Variants in SIM2 observed in about 807,000 individuals in gnomAD.
The protein encoded by SIM2 is SIM bHLH transcription factor 2, also known as single-minded homolog 2.
In SIM2, 28 loss-of-function variants were observed where a neutral mutation model predicts 64.8. That is an observed-to-expected ratio of 0.43 (90% CI 0.32 to 0.59). The LOEUF (loss-of-function observed/expected upper bound fraction) is 0.59. SIM2 is among the 20% of genes least tolerant of loss of function. The probability of loss-of-function intolerance (pLI) is 0.07; values close to 1 mark genes in which losing one functional copy is unlikely to be tolerated. For synonymous variants in SIM2, 408 were observed against 391.1 expected, an observed-to-expected ratio of 1.04 and a Z score of -0.51; for missense variants, 847 against 871.4, an observed-to-expected ratio of 0.97 and a Z score of 0.35.
chr21:36,745,422 A>G lies in SIM2; in HGVS notation c.1576+286A>G. ...ACGTAAATCCTGGCCACATTCACCA[A>G]CCAAAGGGGGACAGTGATTTTCAAA... On this transcript the variant is annotated intron_variant, in intron 10 of 10. Coordinates refer to ENST00000290399, the MANE Select transcript of SIM2 (RefSeq NM_005069.6). This position sits in a 1 kb window ranked among gnomAD's most constrained non-coding sequence, Gnocchi z 4.8. 7.7e-7 allele frequency: 1 copy of G among 1,300,722 alleles called. No individual in the cohort carries two copies. Among genetic ancestry groups the G allele is most frequent in the Non-Finnish European group, 9.9e-7 (1 of 1,010,594 alleles). 80.6% of individuals were successfully genotyped at this position (1,300,722 alleles called of 1,614,324 possible).
intron 4 of SIM2, among the ~76,000 whole-genome samples, chr21:36,721,411 T>C (rs1357531445): frequency 6.6e-6 from 1 of 152,152 alleles, no homozygotes; most frequent in African/African-American, 2.4e-5. Context: ...TGTTACTGTT[T>C]TTGAAAATTG....
intron 1 of SIM2, among the ~76,000 whole-genome samples, chr21:36,703,052 T>C (rs2088527181): frequency 6.6e-6 from 1 of 151,788 alleles, no homozygotes; most frequent in African/African-American, 2.4e-5. Flanking sequence ...TTCCCAAGGC[T>C]CTGTAGCAAG....
At chr21:36,706,932 C>T (rs2088592594) in intron 1 of SIM2, among the ~76,000 whole-genome samples, 1 of 152,212 alleles carries the variant, frequency 6.6e-6, no homozygotes, top group South Asian at 2.1e-4. Flanking sequence ...GAAAATTGTC[C>T]TGTGTGCCCA....
At chr21:36,714,245 C>A (rs537254023) in intron 3 of SIM2, among the ~76,000 whole-genome samples, 1 of 152,242 alleles carries the variant, frequency 6.6e-6, no homozygotes, top group African/African-American at 2.4e-5. Flanking sequence ...TTTAGAAAAC[C>A]TTTCATAGTC....
At position 36,747,815 on chromosome 21, in the gene SIM2, C is replaced by T. The variant is rs1396962399; in HGVS notation, c.1727C>T (p.Ala576Val). The change falls in exon 11 of 11, where the codon GCG becomes GTG. Residue 576 changes from alanine to valine, a missense_variant. Physicochemically the swap from Ala to Val is moderately conservative, Grantham distance 64. Coordinates refer to ENST00000290399, the MANE Select transcript of SIM2 (RefSeq NM_005069.6). The surrounding 1 kb of genome is among the most constrained non-coding windows in gnomAD (Gnocchi z 4.5). ...GGGGCGCGGCTGGCGCTGGCCCGCG[C>T]GGCACCCGAGTGCTGCGCGCCCCCG... is the stretch of plus-strand genomic sequence containing the variant. Reference protein sequence around the residue: ...RDGARLALARAAPECCAPPTP... With the variant: ...RDGARLALARVAPECCAPPTP... The T allele has an allele frequency of 2.9e-6, 3 of 1,029,878 alleles. No individual in the cohort carries two copies. Among genetic ancestry groups the T allele is most frequent in the Non-Finnish European group, 2.3e-6 (2 of 862,690 alleles). The allele number at this position is 1,029,878 out of a possible 1,614,324, so 63.8% of individuals were successfully genotyped here.
intron 3 of SIM2, among the ~76,000 whole-genome samples, chr21:36,713,109 G>C (rs2088698837): frequency 6.6e-6 from 1 of 152,118 alleles, no homozygotes; most frequent in Admixed American, 6.5e-5. Context: ...TGGAATTCGG[G>C]GTCATTTTTC....
intron 6 of SIM2, among the ~76,000 whole-genome samples, chr21:36,730,386 A>G (rs1236563983): frequency 6.6e-6 from 1 of 152,244 alleles, no homozygotes; most frequent in Admixed American, 6.5e-5. Flanking sequence ...CAAAGGCCAC[A>G]TGGTGTGCCA....
chr21:36,730,674 C>G (rs2088954212), intron 6 of SIM2, among the ~76,000 whole-genome samples: 2 of 152,308 alleles, frequency 1.3e-5, no homozygotes, highest in East Asian at 3.9e-4. Context: ...ACAGGACCGT[C>G]CCCCCGAAGC....
In SIM2 at chr21:36,731,287, G is replaced by T. The variant is rs1174355318; in HGVS notation, c.850+136G>T. On this transcript the variant is annotated intron_variant, in intron 7 of 10. Coordinates refer to ENST00000290399, the MANE Select transcript of SIM2 (RefSeq NM_005069.6). Reference sequence around the variant, plus strand: ...CACACTTGAATCTCAAGCCCCAAGTGTGGCTTCCTCCACCCCGTGATTAAG... The same window carrying T: ...CACACTTGAATCTCAAGCCCCAAGTTTGGCTTCCTCCACCCCGTGATTAAG... 4 of 632,816 alleles carry T rather than the reference G, an allele frequency of 6.3e-6. No homozygotes were observed. The Admixed American group carries it at 8.1e-5, about 13-fold the overall frequency. 39.2% of individuals were successfully genotyped at this position (632,816 alleles called of 1,614,324 possible). A position where few individuals can be genotyped will look rare whatever the true frequency, so the allele number is the denominator to read the frequency against.
In SIM2 at chr21:36,699,999, G is replaced by A; in HGVS notation, c.175+78G>A. On this transcript the variant is annotated intron_variant, in intron 1 of 10. Transcript: ENST00000290399. The surrounding 1 kb of genome is among the most constrained non-coding windows in gnomAD (Gnocchi z 5.6). Reference sequence around the variant, plus strand: ...CCAGGCGGGAAGCGCAAGCCAGCCCGCCCAGAGGGGTTGCCGCGGCCTGGC... The same window carrying A: ...CCAGGCGGGAAGCGCAAGCCAGCCCACCCAGAGGGGTTGCCGCGGCCTGGC... 2 of 1,418,496 alleles carry A rather than the reference G, an allele frequency of 1.4e-6. No individual in the cohort carries two copies. Among genetic ancestry groups the A allele is most frequent in the Non-Finnish European group, 1.9e-6 (2 of 1,058,994 alleles). The allele number at this position is 1,418,496 out of a possible 1,614,324, so 87.9% of individuals were successfully genotyped here.
chr21:36,718,474 G>A (rs895182482), intron 3 of SIM2, among the ~76,000 whole-genome samples: 1 of 152,184 alleles, frequency 6.6e-6, no homozygotes, highest in African/African-American at 2.4e-5. Context: ...AAATAACAAG[G>A]GGGTGGCTCG....
In SIM2 at chr21:36,736,997, G is replaced by A. The variant is rs117082665; in HGVS notation, c.851-4720G>A. 7.2e-3 allele frequency among the ~76,000 whole-genome samples: 1,095 copies of A among 152,102 alleles called. 9 individuals carry two copies. Among genetic ancestry groups the A allele is most frequent in the Non-Finnish European group, 0.01 (690 of 67,996 alleles). On this transcript the variant is annotated intron_variant, in intron 7 of 10. Coordinates refer to ENST00000290399, the MANE Select transcript of SIM2 (RefSeq NM_005069.6). ...TCTGGAATACAGTAGCGTGGTCGGAGCTCACTCTAACCTTGAACTTCTGGC... is the reference window on the plus strand; with the variant it reads ...TCTGGAATACAGTAGCGTGGTCGGAACTCACTCTAACCTTGAACTTCTGGC...
At position 36,718,478 on chromosome 21, in the gene SIM2, T is replaced by C. The variant is rs551119199; in HGVS notation, c.349-1343T>C. On this transcript the variant is annotated intron_variant, in intron 3 of 10. Coordinates refer to ENST00000290399, the MANE Select transcript of SIM2 (RefSeq NM_005069.6). ...GACACACCTAAAAATAACAAGGGGGTGGCTCGGGACAAGACACACCATGAG... is the reference window on the plus strand; with the variant it reads ...GACACACCTAAAAATAACAAGGGGGCGGCTCGGGACAAGACACACCATGAG... 7.4e-4 allele frequency among the ~76,000 whole-genome samples: 112 copies of C among 152,140 alleles called. 1 individual carries two copies. The highest frequency in any genetic ancestry group is 2.7e-3 in the African/African-American group (112 of 41,522).
rs572215472 is a variant in SIM2, at chr21:36,699,982, G to A, written c.175+61G>A. 3.7e-5 allele frequency: 55 copies of A among 1,503,180 alleles called. No homozygotes were observed. In the South Asian group the frequency reaches 6.2e-4, roughly 17 times the overall value. 93.1% of individuals were successfully genotyped at this position (1,503,180 alleles called of 1,614,324 possible). A position where few individuals can be genotyped will look rare whatever the true frequency, so the allele number is the denominator to read the frequency against. On this transcript the variant is annotated intron_variant, in intron 1 of 10. Coordinates refer to ENST00000290399, the MANE Select transcript of SIM2 (RefSeq NM_005069.6). This position sits in a 1 kb window ranked among gnomAD's most constrained non-coding sequence, Gnocchi z 5.6. Reference sequence around the variant, plus strand: ...AGCCCGGCGGCCCCGGCCCAGGCGGGAAGCGCAAGCCAGCCCGCCCAGAGG... The same window carrying A: ...AGCCCGGCGGCCCCGGCCCAGGCGGAAAGCGCAAGCCAGCCCGCCCAGAGG...
intron 5 of SIM2, among the ~76,000 whole-genome samples, chr21:36,724,960 T>G (rs2088870267): frequency 6.6e-6 from 1 of 152,218 alleles, no homozygotes. Flanking sequence ...GAAGGGCTTC[T>G]GTAGGGCCAC....
At chr21:36,711,360 A>G (rs1038661003) in intron 2 of SIM2, among the ~76,000 whole-genome samples, 2 of 152,216 alleles carry the variant, frequency 1.3e-5, no homozygotes, top group Non-Finnish European at 2.9e-5. Flanking sequence ...AGTTGGGAAA[A>G]TATTTTGCAG....
intron 2 of SIM2, among the ~76,000 whole-genome samples, chr21:36,711,493 C>T (rs1196235420): frequency 6.6e-6 from 1 of 152,208 alleles, no homozygotes. Context: ...TTTGAGACAG[C>T]AGAATCCAAG....
rs770143168 is a variant in SIM2, at chr21:36,719,868, C to A, written c.396C>A (p.Asp132Glu). ...TTTATGAATACATCCATCCTTCTGA[C>A]CACGATGAGATGACCGCTGTCCTCA... ...NSIYEYIHPS[D>E]HDEMTAVLTA... is the part of the protein sequence containing the mutation. The change falls in exon 4 of 11, where the codon GAC (aspartate) becomes GAA (glutamate). Residue 132 changes from aspartate (D) to glutamate (E), a missense_variant. Physicochemically the swap from Asp to Glu is conservative, Grantham distance 45. Around this residue, in one of 3 missense-constraint regions of SIM2, gnomAD observed 397 missense variants for 439.2 expected, o/e 0.90. Transcript: ENST00000290399. The A allele has an allele frequency of 2.5e-6, 4 of 1,613,376 alleles. No individual in the cohort carries two copies. Among genetic ancestry groups the A allele is most frequent in the South Asian group, 2.2e-5 (2 of 91,074 alleles).
Position 36,748,236 on chromosome 21 carries a change from A to C in SIM2, c.*144A>C. Reference sequence around the variant, plus strand: ...CCCCGCCGCCGACTTGCGGATTTCCACCGCGGAGGCCCCGCGCGCCGGTGC... The same window carrying C: ...CCCCGCCGCCGACTTGCGGATTTCCCCCGCGGAGGCCCCGCGCGCCGGTGC... On this transcript the variant is annotated 3_prime_UTR_variant, in exon 11 of 11. Coordinates refer to ENST00000290399, the MANE Select transcript of SIM2 (RefSeq NM_005069.6). 1 of 408,606 alleles carries C rather than the reference A, an allele frequency of 2.4e-6. No individual in the cohort carries two copies. The highest frequency in any genetic ancestry group is 3.5e-6 in the Non-Finnish European group (1 of 285,752). The allele number at this position is 408,606 out of a possible 1,614,324, so 25.3% of individuals were successfully genotyped here.
Sources: allele counts gnomAD v4.1 joint callset (sites outside exome capture counted in the v4.1 genomes callset), GRCh38; gene constraint gnomAD v4.1.1; regional missense constraint gnomAD v4.1.1; non-coding constraint Gnocchi (gnomAD v3.1); transcripts MANE v1.5; gene names NCBI Gene and HGNC (gene_info 2026-07-23, HGNC 2026-07-21).